Variants in PREP observed in about 807,000 individuals in gnomAD.
PREP encodes the protein prolyl endopeptidase.
Under a neutral mutation model 87.6 loss-of-function variants are expected in PREP, and 29 were observed. The observed-to-expected ratio is 0.33, with a 90% confidence interval of 0.25 to 0.45. The LOEUF is 0.45. PREP is among the 20% of genes least tolerant of loss of function. The pLI is 1.00. For synonymous variants in PREP, 337 were observed against 328.6 expected (o/e 1.03, Z -0.28); for missense variants, 695 against 886.5 (o/e 0.78, Z 2.74).
intron 7 of PREP, among the ~76,000 whole-genome samples, chr6:105,344,807 A>G (rs991794162): frequency 6.6e-6 from 1 of 152,236 alleles, no homozygotes; most frequent in Admixed American, 6.5e-5. Context: ...GTGCACATGT[A>G]CCCTAAAACT....
intron 7 of PREP, among the ~76,000 whole-genome samples, chr6:105,343,322 A>G (rs1410856187): frequency 3.3e-5 from 5 of 152,246 alleles, no homozygotes; most frequent in Admixed American, 2.0e-4. Flanking sequence ...CTGGCTAGCC[A>G]TATGTAGAAA....
At chr6:105,324,036 A>G (rs1272118719) in intron 9 of PREP, among the ~76,000 whole-genome samples, 5 of 152,248 alleles carry the variant, frequency 3.3e-5, no homozygotes, top group Non-Finnish European at 7.3e-5. Flanking sequence ...TATACATTTT[A>G]GAAGATTCTA....
At chr6:105,285,369 G>A (rs1770170456) in intron 12 of PREP, 117 bp downstream of exon 12, 13 of 916,502 alleles carry the variant, frequency 1.4e-5, no homozygotes, top group Non-Finnish European at 2.0e-5. Context: ...TTTTTCATTC[G>A]TCTAGCCAAA....
intron 2 of PREP, among the ~76,000 whole-genome samples, chr6:105,389,635 G>A (rs1372399503): frequency 6.6e-6 from 1 of 152,090 alleles, no homozygotes; most frequent in Admixed American, 6.6e-5. Context: ...CTCACGTACT[G>A]CAATTTCCTG....
rs1303370327 is a variant in PREP at position 105,333,708 on chromosome 6, A to AG, written c.824-204_824-203insC. On this transcript the variant is annotated intron_variant, in intron 7 of 14. Transcript: ENST00000652536. ...GGAGCCCCTGAAAAACCCAGCAAGG[A>AG]CGGGGGAATGAAGGACCTCTCTTCC... is the stretch of plus-strand genomic sequence containing the variant. Among the ~76,000 whole-genome samples, 138 of 152,274 alleles carry AG rather than the reference A, an allele frequency of 9.1e-4. No homozygotes were observed. In the South Asian group the frequency reaches 0.011, roughly 12 times the overall value.
At chr6:105,397,484 T>G (rs866071175) in intron 2 of PREP, among the ~76,000 whole-genome samples, 6 of 152,200 alleles carry the variant, frequency 3.9e-5, no homozygotes, top group African/African-American at 1.4e-4. Flanking sequence ...ATACAAGATT[T>G]CCTTTTCTTT....
At chr6:105,309,097 A>G (rs1189922) in intron 10 of PREP, among the ~76,000 whole-genome samples, 10,989 of 151,772 alleles carry the variant, frequency 0.072, 1,337 homozygotes, top group African/African-American at 0.25. Context: ...GGTGAGGGAG[A>G]GTGGCAGGAG....
chr6:105,330,072 G>A lies in PREP; in HGVS notation c.1016-1046C>T, dbSNP rs115639712. On this transcript the variant is annotated intron_variant, in intron 8 of 14. Coordinates refer to ENST00000652536, the MANE Select transcript of PREP (RefSeq NM_002726.5). ...GGTAAAGAGAACAAACGAGAGATCCGTTTTCAAGAGGAAGTGTTGTTCAGT... is the reference window on the plus strand; with the variant it reads ...GGTAAAGAGAACAAACGAGAGATCCATTTTCAAGAGGAAGTGTTGTTCAGT... 1.6e-3 allele frequency among the ~76,000 whole-genome samples: 244 copies of A among 152,328 alleles called. 1 individual carries two copies. The highest frequency in any genetic ancestry group is 5.4e-3 in the African/African-American group (223 of 41,588).
intron 5 of PREP, among the ~76,000 whole-genome samples, chr6:105,370,912 G>A (rs1400083064): frequency 1.3e-5 from 2 of 152,162 alleles, no homozygotes; most frequent in Admixed American, 6.5e-5. Context: ...TAGGGCCAGG[G>A]AAACTACTCT....
At chr6:105,279,242 G>C (rs1013204589) in intron 14 of PREP, among the ~76,000 whole-genome samples, 1 of 152,114 alleles carries the variant, frequency 6.6e-6, no homozygotes, top group Non-Finnish European at 1.5e-5. Context: ...ACCTGTTTTA[G>C]TAGAGTTTTA....
chr6:105,355,621 T>C (rs751442672), intron 6 of PREP, among the ~76,000 whole-genome samples: 10 of 152,228 alleles, frequency 6.6e-5, no homozygotes, highest in Non-Finnish European at 1.0e-4. Flanking sequence ...CCTGAATCTG[T>C]TGATTTCTGT....
intron 7 of PREP, among the ~76,000 whole-genome samples, chr6:105,333,709 C>G (rs4454168): frequency 0.29 from 43,901 of 151,858 alleles, 7,725 homozygotes; most frequent in African/African-American, 0.51. Context: ...CCAGCAAGGA[C>G]GGGGGAATGA....
At chr6:105,339,321 TC>T (rs774778092) in intron 7 of PREP, among the ~76,000 whole-genome samples, 1 of 151,952 alleles carries the variant, frequency 6.6e-6, no homozygotes, top group Non-Finnish European at 1.5e-5. Flanking sequence ...CAGCTGAGGG[TC>T]CTGACTGTTA....
At chr6:105,397,550 A>AT (rs1328725669) in intron 2 of PREP, among the ~76,000 whole-genome samples, 3 of 152,138 alleles carry the variant, frequency 2.0e-5, no homozygotes, top group African/African-American at 7.2e-5. Flanking sequence ...CTAGGTTTTC[A>AT]TTTTTTCTTT....
chr6:105,333,164 G>C (rs55653749), intron 8 of PREP, 150 bp downstream of exon 8: 2 of 682,954 alleles, frequency 2.9e-6, no homozygotes. Flanking sequence ...ATGAAAACTT[G>C]GATGAACTAT....
intron 6 of PREP, among the ~76,000 whole-genome samples, chr6:105,359,993 T>C (rs930979503): frequency 1.3e-5 from 2 of 152,176 alleles, no homozygotes; most frequent in African/African-American, 4.8e-5. Flanking sequence ...GAAACTGATC[T>C]GTGACAGCAT....
intron 10 of PREP, among the ~76,000 whole-genome samples, chr6:105,319,599 G>A (rs1770952282): frequency 6.6e-6 from 1 of 152,212 alleles, no homozygotes; most frequent in Non-Finnish European, 1.5e-5. Flanking sequence ...GGTACTGAGA[G>A]TAGGATTATT....
In PREP at chr6:105,323,104, T is replaced by C. The variant is rs1482372818; in HGVS notation, c.1317+561A>G. On this transcript the variant is annotated intron_variant, in intron 10 of 14. Transcript: ENST00000652536. Reference sequence around the variant, plus strand: ...TCAGTTTCTGGAAGACTCAGTACCCTTGGGGAGCTGAAAAAACAAAAAAGG... The same window carrying C: ...TCAGTTTCTGGAAGACTCAGTACCCCTGGGGAGCTGAAAAAACAAAAAAGG... 4 of 1,304,150 alleles carry C rather than the reference T, an allele frequency of 3.1e-6. No individual in the cohort carries two copies. In the Admixed American group the frequency reaches 6.9e-5, roughly 22 times the overall value. The allele number at this position is 1,304,150 out of a possible 1,614,324, so 80.8% of individuals were successfully genotyped here.
chr6:105,293,434 A>C lies in PREP; in HGVS notation c.1318-4540T>G, dbSNP rs987186742. On this transcript the variant is annotated intron_variant, in intron 10 of 14. Transcript: ENST00000652536. ...AAAACAATTACAATAGTAACATTGA[A>C]GATCACTGATGAGGGATCTCCATAA... Among the ~76,000 whole-genome samples the C allele has an allele frequency of 3.9e-5, 6 of 152,184 alleles. 1 individual carries two copies. The highest frequency in any genetic ancestry group is 1.4e-4 in the African/African-American group (6 of 41,432).
Sources: gnomAD v4.1 joint callset for allele counts (sites outside exome capture counted in the v4.1 genomes callset) on GRCh38, gnomAD v4.1.1 for gene constraint, MANE v1.5 for transcripts, NCBI Gene and HGNC (gene_info 2026-07-23, HGNC 2026-07-21) for gene names.